PPA2: variants seen among roughly 807,000 people sequenced by gnomAD.
PPA2 encodes the protein inorganic pyrophosphatase 2, mitochondrial.
PPA2 carries 48 observed loss-of-function variants against 49.5 expected under a neutral mutation model. The ratio of observed to expected loss-of-function variants is 0.97; its 90% CI spans 0.77 to 1.23. PPA2 has a LOEUF of 1.23. PPA2 is among the 50% of genes most tolerant of loss of function. The pLI is 0.00. For synonymous variants in PPA2, 131 were observed against 139.9 expected, an observed-to-expected ratio of 0.94 and a Z score of 0.45; for missense variants, 429 against 410.1, an observed-to-expected ratio of 1.05 and a Z score of -0.40.
intron 8 of PPA2, 42 bp downstream of exon 8, chr4:105,398,995 G>C: frequency 1.3e-6 from 2 of 1,586,228 alleles, no homozygotes; most frequent in Non-Finnish European, 1.7e-6. Flanking sequence ...TATTGTACAG[G>C]TATCAGGAGG....
chr4:105,369,504 T>C lies in PPA2; in HGVS notation c.*221A>G. 2.0e-6 allele frequency: 1 copy of C among 497,556 alleles called. No individual in the cohort carries two copies. The highest frequency in any genetic ancestry group is 3.6e-6 in the Non-Finnish European group (1 of 279,634). The allele number at this position is 497,556 out of a possible 1,614,324, so 30.8% of individuals were successfully genotyped here. ...TCCCAAAGTGCTGAAATTACAGGCATGAGCCACCGTGCCTGGCCAAAATCT... is the reference window on the plus strand; with the variant it reads ...TCCCAAAGTGCTGAAATTACAGGCACGAGCCACCGTGCCTGGCCAAAATCT... On this transcript the variant is annotated 3_prime_UTR_variant, in exon 12 of 12. Coordinates refer to ENST00000341695, the MANE Select transcript of PPA2 (RefSeq NM_176869.3).
At chr4:105,390,555 AG>A (rs1415352435) in intron 9 of PPA2, among the ~76,000 whole-genome samples, 2 of 152,248 alleles carry the variant, frequency 1.3e-5, no homozygotes, top group African/African-American at 4.8e-5. Flanking sequence ...CATGAAAAAA[AG>A]CTCATCATCA....
At chr4:105,384,135 G>A (rs1733596938) in intron 10 of PPA2, among the ~76,000 whole-genome samples, 1 of 152,182 alleles carries the variant, frequency 6.6e-6, no homozygotes, top group Non-Finnish European at 1.5e-5. Context: ...AATCATTCAT[G>A]AGGGTGCTAA....
At chr4:105,464,233 T>C (rs1048025562) in intron 1 of PPA2, among the ~76,000 whole-genome samples, 3 of 152,204 alleles carry the variant, frequency 2.0e-5, no homozygotes, top group African/African-American at 7.2e-5. Context: ...AGGAGATCAT[T>C]TGGAGCTTTA....
intron 4 of PPA2, among the ~76,000 whole-genome samples, chr4:105,446,728 T>C (rs1722401502): frequency 6.6e-6 from 1 of 152,202 alleles, no homozygotes; most frequent in Non-Finnish European, 1.5e-5. Flanking sequence ...ATTTAGTCAC[T>C]CTATTATTTA....
chr4:105,410,565 A>C (rs746426653), intron 7 of PPA2, among the ~76,000 whole-genome samples: 4 of 152,196 alleles, frequency 2.6e-5, no homozygotes, highest in Non-Finnish European at 5.9e-5. Flanking sequence ...TACAGAGAAC[A>C]CCACAAAGAT....
intron 1 of PPA2, among the ~76,000 whole-genome samples, chr4:105,460,259 G>C (rs1160442143): frequency 6.6e-6 from 1 of 152,146 alleles, no homozygotes; most frequent in Non-Finnish European, 1.5e-5. Flanking sequence ...CAAGGCATCA[G>C]ATATTGTAAG....
At chr4:105,406,548 A>G (rs1169438061) in intron 7 of PPA2, among the ~76,000 whole-genome samples, 1 of 152,318 alleles carries the variant, frequency 6.6e-6, no homozygotes, top group South Asian at 2.1e-4. Flanking sequence ...ATAAGGAGAA[A>G]ATCTTTAAAG....
intron 7 of PPA2, among the ~76,000 whole-genome samples, chr4:105,419,890 C>T (rs781604407): frequency 1.3e-5 from 2 of 151,454 alleles, no homozygotes; most frequent in Non-Finnish European, 1.5e-5. Flanking sequence ...TGAACTAAAA[C>T]GAGCTTCATT....
chr4:105,470,847 G>A (rs77150725), intron 1 of PPA2, among the ~76,000 whole-genome samples: 7,642 of 152,222 alleles, frequency 0.05, 292 homozygotes, highest in African/African-American at 0.098. Context: ...TAATTCAGTC[G>A]AGTGACTTGT....
chr4:105,396,080 G>A (rs922870832), intron 9 of PPA2, among the ~76,000 whole-genome samples, 169 bp downstream of exon 9: 18 of 151,932 alleles, frequency 1.2e-4, no homozygotes, highest in African/African-American at 3.4e-4. Flanking sequence ...AAAAGATCAC[G>A]TCAATTCCTA....
At chr4:105,389,704 T>A (rs1302315279) in intron 9 of PPA2, among the ~76,000 whole-genome samples, 2 of 152,146 alleles carry the variant, frequency 1.3e-5, no homozygotes, top group Non-Finnish European at 2.9e-5. Context: ...TTTCTTCAAG[T>A]AAATTTCAAA....
intron 4 of PPA2, among the ~76,000 whole-genome samples, chr4:105,447,663 C>A (rs1000863125): frequency 2.6e-5 from 4 of 151,412 alleles, no homozygotes; most frequent in Admixed American, 2.0e-4. Context: ...TGTCAATATA[C>A]AATAAAGTTA....
chr4:105,453,869 AAC>A, intron 2 of PPA2: 2 of 377,560 alleles, frequency 5.3e-6, no homozygotes, highest in South Asian at 2.1e-4. Flanking sequence ...AGAAAAGCCA[AAC>A]CTCTTTCACG....
chr4:105,431,365 C>T lies in PPA2; in HGVS notation c.528+6585G>A, dbSNP rs149464949. 3.2e-3 allele frequency among the ~76,000 whole-genome samples: 485 copies of T among 151,902 alleles called. 1 individual carries two copies. Among genetic ancestry groups the T allele is most frequent in the African/African-American group, 0.011 (454 of 41,380 alleles). On this transcript the variant is annotated intron_variant, in intron 6 of 11. Coordinates refer to ENST00000341695, the MANE Select transcript of PPA2 (RefSeq NM_176869.3). ...CACATTTGTTTAAGATAAAATCAGACGTAAGCTTGTTTTAATTAAAAAAAT... is the reference window on the plus strand; with the variant it reads ...CACATTTGTTTAAGATAAAATCAGATGTAAGCTTGTTTTAATTAAAAAAAT...
chr4:105,372,562 T>G (rs910121557), intron 10 of PPA2, among the ~76,000 whole-genome samples: 1 of 152,164 alleles, frequency 6.6e-6, no homozygotes, highest in African/African-American at 2.4e-5. Context: ...GTAGGCCCCA[T>G]CTGATCAGTT....
chr4:105,474,070 C>T (rs535685399), upstream of PPA2: 5 of 1,528,512 alleles, frequency 3.3e-6, no homozygotes, highest in African/African-American at 5.5e-5. Context: ...GACGGTCCTG[C>T]TGTGCGCGCG....
chr4:105,436,413 T>G (rs933305691), intron 6 of PPA2, among the ~76,000 whole-genome samples: 5 of 152,194 alleles, frequency 3.3e-5, no homozygotes, highest in African/African-American at 1.2e-4. Context: ...GGAGATTCAG[T>G]GTAATTCCTA....
chr4:105,452,407 T>C (rs1014193550), intron 3 of PPA2, among the ~76,000 whole-genome samples: 5 of 152,172 alleles, frequency 3.3e-5, no homozygotes, highest in African/African-American at 9.7e-5. Flanking sequence ...AACTTCACGT[T>C]TAGGATGCAC....
Sources: gnomAD v4.1 joint callset for allele counts (sites outside exome capture counted in the v4.1 genomes callset) on GRCh38, gnomAD v4.1.1 for gene constraint, MANE v1.5 for transcripts, NCBI Gene and HGNC (gene_info 2026-07-23, HGNC 2026-07-21) for gene names.